MAST4: variants seen among roughly 807,000 people sequenced by gnomAD.
The protein encoded by MAST4 is microtubule associated serine/threonine kinase family member 4, also known as microtubule-associated serine/threonine-protein kinase 4.
A neutral mutation model predicts 162.7 loss-of-function variants in MAST4; 89 were observed. The ratio of observed to expected loss-of-function variants is 0.55; its 90% CI spans 0.46 to 0.65. MAST4 has a LOEUF of 0.65. Among genes scored for constraint, MAST4 ranks in the 30% least tolerant of loss-of-function variants. MAST4 has a pLI of 0.00. For synonymous variants in MAST4, 1,479 were observed against 1,361.1 expected, an observed-to-expected ratio of 1.09 and a Z score of -1.91; for missense variants, 3,153 against 3,374.0, an observed-to-expected ratio of 0.93 and a Z score of 1.62.
At chr5:66,969,736 G>A (rs146985111) in intron 4 of MAST4, among the ~76,000 whole-genome samples, 1 of 152,312 alleles carries the variant, frequency 6.6e-6, no homozygotes, top group Non-Finnish European at 1.5e-5. Flanking sequence ...GTGATTTTGT[G>A]TCTCCTTTTC....
chr5:66,845,297 T>A (rs975208750), intron 3 of MAST4, among the ~76,000 whole-genome samples: 16 of 151,436 alleles, frequency 1.1e-4, no homozygotes, highest in African/African-American at 3.6e-4. Flanking sequence ...GGCCCCGGTG[T>A]GTGATGTTCC....
chr5:66,830,778 T>A (rs1336455191), intron 3 of MAST4, among the ~76,000 whole-genome samples: 1 of 152,222 alleles, frequency 6.6e-6, no homozygotes, highest in Non-Finnish European at 1.5e-5. Context: ...TTTATGTATT[T>A]GTATTACCAC....
chr5:66,701,572 A>G (rs1485739444), intron 1 of MAST4, among the ~76,000 whole-genome samples: 2 of 152,206 alleles, frequency 1.3e-5, no homozygotes, highest in Non-Finnish European at 2.9e-5. Context: ...AGCTATTGCT[A>G]TTTGAATTTG....
intron 4 of MAST4, among the ~76,000 whole-genome samples, chr5:66,961,809 G>A (rs1746053955): frequency 6.6e-6 from 1 of 152,120 alleles, no homozygotes; most frequent in Non-Finnish European, 1.5e-5. Flanking sequence ...CATATCAGGG[G>A]ACATTCCTGA....
chr5:67,133,604 G>A lies in MAST4; in HGVS notation c.2184G>A (p.Glu728=), dbSNP rs1769260041. ...TGAGCATGACTACCAACCTTTACGA[G>A]GGTCATATTGAGAAGGATGCTAGAG... ...GLMSMTTNLY[E]GHIEKDAREF... Residue 728 remains glutamate, a synonymous_variant, in exon 17 of 29, where the codon GAG becomes GAA. Coordinates refer to ENST00000403625, the MANE Select transcript of MAST4 (RefSeq NM_001164664.2). 6.2e-7 allele frequency: 1 copy of A among 1,613,274 alleles called. No individual in the cohort carries two copies. Among genetic ancestry groups the A allele is most frequent in the Admixed American group, 1.7e-5 (1 of 59,952 alleles).
At chr5:66,819,005 C>T (rs377396732) in intron 3 of MAST4, among the ~76,000 whole-genome samples, 1 of 152,120 alleles carries the variant, frequency 6.6e-6, no homozygotes, top group Admixed American at 6.5e-5. Flanking sequence ...TTAAGGGATG[C>T]TAGAAGACGG....
chr5:66,730,022 G>A (rs1170321953), intron 1 of MAST4, among the ~76,000 whole-genome samples: 2 of 152,108 alleles, frequency 1.3e-5, no homozygotes, highest in African/African-American at 4.8e-5. Context: ...CAATACGAAT[G>A]GGATTATTTT....
chr5:67,008,017 A>G (rs1752243209), intron 4 of MAST4, among the ~76,000 whole-genome samples: 1 of 152,152 alleles, frequency 6.6e-6, no homozygotes, highest in Non-Finnish European at 1.5e-5. Context: ...TGACCATGGC[A>G]GACATGAGAT....
At chr5:66,931,613 T>C (rs964070448) in intron 4 of MAST4, among the ~76,000 whole-genome samples, 3 of 152,200 alleles carry the variant, frequency 2.0e-5, no homozygotes, top group African/African-American at 7.2e-5. Flanking sequence ...ATTTCATTTA[T>C]TGATTTCTAG....
rs534174871 is a variant in MAST4, at chr5:66,847,661, A to C, written c.643-52290A>C. Among the ~76,000 whole-genome samples, 6 of 151,636 alleles carry C rather than the reference A, an allele frequency of 4.0e-5. No homozygotes were observed. In the East Asian group the frequency reaches 5.8e-4, roughly 15 times the overall value. On this transcript the variant is annotated intron_variant, in intron 3 of 28. Coordinates refer to ENST00000403625, the MANE Select transcript of MAST4 (RefSeq NM_001164664.2). ...AAAAATAAAACAACAACAACAACAA[A>C]AACACAAATATTAGCTGGAGGTGGT...
chr5:66,979,818 C>G (rs563697098), intron 4 of MAST4, among the ~76,000 whole-genome samples: 1 of 152,352 alleles, frequency 6.6e-6, no homozygotes, highest in South Asian at 2.1e-4. Context: ...TGGAGCTCTT[C>G]TAGCCCCGTG....
intron 1 of MAST4, among the ~76,000 whole-genome samples, chr5:66,662,076 T>C (rs910862424): frequency 4.2e-5 from 6 of 142,996 alleles, no homozygotes; most frequent in East Asian, 4.0e-4. Flanking sequence ...AGTTAATCCC[T>C]TTTTTTTTTT....
chr5:66,981,144 G>T (rs1581096133), intron 4 of MAST4, among the ~76,000 whole-genome samples: 2 of 151,934 alleles, frequency 1.3e-5, no homozygotes, highest in South Asian at 4.2e-4. Context: ...CTCATAATAT[G>T]GTAAAACATG....
intron 3 of MAST4, among the ~76,000 whole-genome samples, chr5:66,803,118 A>G (rs547760131): frequency 6.6e-6 from 1 of 152,242 alleles, no homozygotes; most frequent in East Asian, 1.9e-4. Flanking sequence ...TAAAATAGGA[A>G]TGGTTAATCC....
intron 1 of MAST4, among the ~76,000 whole-genome samples, chr5:66,750,006 G>C (rs1323532263): frequency 2.0e-5 from 3 of 152,188 alleles, no homozygotes; most frequent in African/African-American, 4.8e-5. Context: ...GAGAGAGAGA[G>C]CAGTTAATTA....
At position 66,750,444 on chromosome 5, in the gene MAST4, G is replaced by A. The variant is rs545582852; in HGVS notation, c.364-9265G>A. Among the ~76,000 whole-genome samples the A allele has an allele frequency of 2.9e-4, 44 of 152,348 alleles. No individual in the cohort carries two copies. The East Asian group carries it at 5.0e-3, about 17-fold the overall frequency. On this transcript the variant is annotated intron_variant, in intron 1 of 28. Coordinates refer to ENST00000403625, the MANE Select transcript of MAST4 (RefSeq NM_001164664.2). Reference sequence around the variant, plus strand: ...GCGCAGGTCAGTGGGTGCGTGCACCGTGTGCGAGCCGAAGCAGGGCGAGGC... The same window carrying A: ...GCGCAGGTCAGTGGGTGCGTGCACCATGTGCGAGCCGAAGCAGGGCGAGGC...
At chr5:66,605,123 C>T (rs1450237278) in intron 1 of MAST4, among the ~76,000 whole-genome samples, 3 of 152,144 alleles carry the variant, frequency 2.0e-5, no homozygotes, top group African/African-American at 7.2e-5. Context: ...AAGACAAACT[C>T]ACAAAATTTG....
At chr5:66,731,956 G>A (rs1456403367) in intron 1 of MAST4, among the ~76,000 whole-genome samples, 1 of 151,922 alleles carries the variant, frequency 6.6e-6, no homozygotes, top group African/African-American at 2.4e-5. Flanking sequence ...CCTTCAGGTA[G>A]GCAGGAAGAC....
At chr5:66,955,887 G>A (rs1437632982) in intron 4 of MAST4, among the ~76,000 whole-genome samples, 1 of 151,846 alleles carries the variant, frequency 6.6e-6, no homozygotes, top group Non-Finnish European at 1.5e-5. Flanking sequence ...CTGATTATGT[G>A]TGTGTTTGTT....
Sources: allele counts gnomAD v4.1 joint callset (sites outside exome capture counted in the v4.1 genomes callset), GRCh38; gene constraint gnomAD v4.1.1; transcripts MANE v1.5; gene names NCBI Gene and HGNC (gene_info 2026-07-23, HGNC 2026-07-21).